The following COL5A3 variants were observed in gnomAD, a reference collection of about 807,000 sequenced individuals.
COL5A3 encodes collagen type V alpha 3 chain.
Under a neutral mutation model 250.0 loss-of-function variants are expected in COL5A3, and 172 were observed. That is an observed-to-expected ratio of 0.69 (90% CI 0.61 to 0.78). The LOEUF (loss-of-function observed/expected upper bound fraction) is 0.78, where lower values mean the gene tolerates loss of function less well. COL5A3 is among the 30% of genes least tolerant of loss of function. COL5A3 has a pLI of 0.00. For synonymous variants in COL5A3, 937 were observed against 900.4 expected, an observed-to-expected ratio of 1.04 and a Z score of -0.73; for missense variants, 2,340 against 2,334.4, an observed-to-expected ratio of 1.00 and a Z score of -0.05.
rs1464897420 is a variant in COL5A3, at chr19:10,009,308, T to C, written c.88+990A>G. 6.6e-6 allele frequency among the ~76,000 whole-genome samples: 1 copy of C among 151,688 alleles called. No homozygotes were observed. Among genetic ancestry groups the C allele is most frequent in the East Asian group, 1.9e-4 (1 of 5,156 alleles). On this transcript the variant is annotated intron_variant, in intron 1 of 66. Transcript: ENST00000264828. The surrounding 1 kb of genome is among the most constrained non-coding windows in gnomAD (Gnocchi z 4.4). ...CTCCAACACTTGAGAAGCTACGCCA[T>C]CCCCTGACTCCCGAAGCGCCCCCCA...
chr19:9,982,691 T>C (rs2145098332), intron 31 of COL5A3, among the ~76,000 whole-genome samples: 1 of 152,256 alleles, frequency 6.6e-6, no homozygotes, highest in South Asian at 2.1e-4. Context: ...CATCACAGGC[T>C]CTGATATCCT....
Position 9,969,356 on chromosome 19 carries a change from C to T in COL5A3, c.4145G>A (p.Gly1382Asp). Residue 1382 changes from glycine to aspartate, a missense_variant, in exon 57 of 67, where the codon GGC (glycine) becomes GAC (aspartate). Physicochemically the swap from Gly to Asp is moderately conservative, Grantham distance 94. Transcript: ENST00000264828. ...LGAPGQMGPP[G>D]PLGPSGLPGL... The stretch of plus-strand genomic sequence containing the variant: ...GATGAACAAGTCTCTTACCAGGGGG[C>T]CAGGAGGGCCCATCTGTCCAGGGGC... The T allele has an allele frequency of 1.3e-6, 2 of 1,599,406 alleles. No homozygotes were observed. The highest frequency in any genetic ancestry group is 8.5e-7 in the Non-Finnish European group (1 of 1,174,468).
intron 64 of COL5A3, among the ~76,000 whole-genome samples, chr19:9,963,476 C>T (rs1419136484): frequency 2.0e-5 from 3 of 149,256 alleles, no homozygotes; most frequent in African/African-American, 7.4e-5. Flanking sequence ...ACTGCAGCCT[C>T]GACTTCCAAA....
At chr19:9,993,463 T>A (rs2087224484) in intron 18 of COL5A3, 30 bp from the exon 19 acceptor site, 1 of 1,611,468 alleles carries the variant, frequency 6.2e-7, no homozygotes, top group African/African-American at 1.3e-5. Context: ...GAGTTCAGAG[T>A]GGAAGGGTGT....
Position 9,986,348 on chromosome 19 carries a change from G to GCCAGCCTGC in COL5A3, c.2310_2318dup (p.Gln771_Gly773dup). On this transcript the variant is annotated inframe_insertion, in exon 30 of 67. Coordinates refer to ENST00000264828, the MANE Select transcript of COL5A3 (RefSeq NM_015719.4). ...CAGCTGAGCCTGGGGGCCCCTCCTC[G>GCCAGCCTGC]CCAGCCTGCCCCGCCTGCCCCTTCG... 2 of 1,590,416 alleles carry GCCAGCCTGC rather than the reference G, an allele frequency of 1.3e-6. No individual in the cohort carries two copies. Among genetic ancestry groups the GCCAGCCTGC allele is most frequent in the Non-Finnish European group, 8.5e-7 (1 of 1,174,118 alleles).
chr19:9,963,568 G>T (rs1374347065), intron 64 of COL5A3, among the ~76,000 whole-genome samples: 1 of 116,458 alleles, frequency 8.6e-6, no homozygotes, highest in Non-Finnish European at 1.8e-5. Flanking sequence ...TTTTGGGGGG[G>T]GGGGCGGGTG....
chr19:10,000,452 CTTTTTTTTTTTTT>C (rs576119335), intron 8 of COL5A3, among the ~76,000 whole-genome samples: 2 of 62,762 alleles, frequency 3.2e-5, no homozygotes, highest in Non-Finnish European at 5.8e-5. Flanking sequence ...CCAGAGAGCT[CTTTTTTTTTTTTT>C]TTTTTTTTTT....
At position 9,973,007 on chromosome 19, in the gene COL5A3, C is replaced by T; in HGVS notation, c.3686G>A (p.Gly1229Asp). 1 of 1,609,314 alleles carries T rather than the reference C, an allele frequency of 6.2e-7. No individual in the cohort carries two copies. The highest frequency in any genetic ancestry group is 1.3e-5 in the African/African-American group (1 of 74,956). The change falls in exon 51 of 67, where the codon GGT becomes GAT. Residue 1229 changes from glycine to aspartate, a missense_variant. This residue lies in a region of COL5A3 where 1,179 missense variants were observed against 1,162.6 expected (regional missense o/e 1.01). Coordinates refer to ENST00000264828, the MANE Select transcript of COL5A3 (RefSeq NM_015719.4). ...PGIPGPKGDI[G>D]EKGDSGPSGA... The stretch of plus-strand genomic sequence containing the variant: ...AGATGGGCCTGAGTCCCCCTTTTCA[C>T]CAATGTCTCCCTTGGGCCCCTTTAC...
At chr19:9,997,538 C>G in intron 10 of COL5A3, 105 bp from the exon 11 acceptor site, 1 of 683,468 alleles carries the variant, frequency 1.5e-6, no homozygotes, top group Non-Finnish European at 2.5e-6. Context: ...CCCTACCCCA[C>G]TACAGAGCCA....
chr19:9,997,502 C>T (rs1166668052), intron 10 of COL5A3, 69 bp from the exon 11 acceptor site: 2 of 1,025,238 alleles, frequency 2.0e-6, no homozygotes, highest in South Asian at 1.5e-5. Context: ...TTCAACCTAC[C>T]ACTGACTCTA....
At chr19:9,963,304 C>T (rs566610442) in intron 64 of COL5A3, among the ~76,000 whole-genome samples, 1 of 151,968 alleles carries the variant, frequency 6.6e-6, no homozygotes, top group Admixed American at 6.6e-5. Context: ...TTCACTGCAG[C>T]CTCAAACTCC....
In COL5A3 at chr19:9,968,208, A is replaced by G; in HGVS notation, c.4315-129T>C. The G allele has an allele frequency of 9.5e-7, 1 of 1,054,174 alleles. No individual in the cohort carries two copies. The highest frequency in any genetic ancestry group is 1.4e-6 in the Non-Finnish European group (1 of 717,704). The allele number at this position is 1,054,174 out of a possible 1,614,324, so 65.3% of individuals were successfully genotyped here. ...AGACAAGCCTCCAGTTCCCCCACAG[A>G]GAGACCCCAAACCCCAGACGCAGCC... On this transcript the variant is annotated intron_variant, in intron 59 of 66. Transcript: ENST00000264828. This position sits in a 1 kb window ranked among gnomAD's most constrained non-coding sequence, Gnocchi z 4.1.
Position 9,989,255 on chromosome 19 carries a change from GC to G in COL5A3, c.2091+66del, listed in dbSNP as rs922689035. On this transcript the variant is annotated intron_variant, in intron 26 of 66. Transcript: ENST00000264828. ...AGAGCCCTCATCTCTCTCCTCTGTG[GC>G]CCCTGACTGCAGGCCCTGCCTCCCG... 29 of 1,609,348 alleles carry G rather than the reference GC, an allele frequency of 1.8e-5. No individual in the cohort carries two copies. The African/African-American group carries it at 1.9e-4, about 10-fold the overall frequency.
chr19:9,964,656 G>T (rs886235185), intron 64 of COL5A3, among the ~76,000 whole-genome samples: 2 of 151,578 alleles, frequency 1.3e-5, no homozygotes, highest in Non-Finnish European at 2.9e-5. Flanking sequence ...ACTTATACCG[G>T]CCAGGTTCTT....
In COL5A3 at chr19:9,963,038, G is replaced by C. The variant is rs2086693533; in HGVS notation, c.4783-151C>G. 14 of 621,762 alleles carry C rather than the reference G, an allele frequency of 2.3e-5. No individual in the cohort carries two copies. In the South Asian group the frequency reaches 2.7e-4, roughly 12 times the overall value. The allele number at this position is 621,762 out of a possible 1,614,324, so 38.5% of individuals were successfully genotyped here. On this transcript the variant is annotated intron_variant, in intron 64 of 66. Coordinates refer to ENST00000264828, the MANE Select transcript of COL5A3 (RefSeq NM_015719.4). Reference sequence around the variant, plus strand: ...GGACGAGCTCTGCCAGTGCACAATGGGGGAAGGAGGTTCATGCCCCTGAGG... The same window carrying C: ...GGACGAGCTCTGCCAGTGCACAATGCGGGAAGGAGGTTCATGCCCCTGAGG...
At chr19:9,980,117 T>A in intron 35 of COL5A3, 70 bp from the exon 36 acceptor site, 1 of 1,425,992 alleles carries the variant, frequency 7.0e-7, no homozygotes, top group Non-Finnish European at 9.5e-7. Context: ...CCCCACATAA[T>A]GACAACAGGA....
Position 9,968,431 on chromosome 19 carries a change from T to G in COL5A3, c.4268A>C (p.Gln1423Pro), listed in dbSNP as rs1404780116. ...PPGEAGEKGD[Q>P]GLPGVQGPPG... ...GGGTCCCTGCACGCCTGGCAACCCC[T>G]GATCTCCTTTCTCACCAGCTTCTCC... The change falls in exon 59 of 67, where the codon CAG becomes CCG. Residue 1423 changes from glutamine to proline, a missense_variant. By Grantham distance (76) the Gln-to-Pro change is moderately conservative. Transcript: ENST00000264828. This position sits in a 1 kb window ranked among gnomAD's most constrained non-coding sequence, Gnocchi z 4.1. 6.3e-7 allele frequency: 1 copy of G among 1,590,914 alleles called. No individual in the cohort carries two copies. Among genetic ancestry groups the G allele is most frequent in the Admixed American group, 2.0e-5 (1 of 51,264 alleles).
chr19:9,979,091 C>T (rs745795929), intron 39 of COL5A3, 41 bp downstream of exon 39: 4 of 1,506,724 alleles, frequency 2.7e-6, no homozygotes, highest in Non-Finnish European at 3.6e-6. Context: ...CTTGGTTGAT[C>T]TTGGATGTTC....
At position 9,960,839 on chromosome 19, in the gene COL5A3, A is replaced by G; in HGVS notation, c.4903T>C (p.Phe1635Leu). 6.2e-7 allele frequency: 1 copy of G among 1,612,338 alleles called. No individual in the cohort carries two copies. Among genetic ancestry groups the G allele is most frequent in the Non-Finnish European group, 8.5e-7 (1 of 1,180,018 alleles). Residue 1635 changes from phenylalanine (F) to leucine (L), a missense_variant, in exon 66 of 67, where the codon TTC becomes CTC. Coordinates refer to ENST00000264828, the MANE Select transcript of COL5A3 (RefSeq NM_015719.4). ...GCTGTGGCACTCAGCAGTTTCAGGA[A>G]GTTCAGCTGCACGACATTCACTGGG... is the stretch of plus-strand genomic sequence containing the variant. ...GSPVNVVQLN[F>L]LKLLSATARQ...
Sources: allele counts gnomAD v4.1 joint callset (sites outside exome capture counted in the v4.1 genomes callset), GRCh38; gene constraint gnomAD v4.1.1; regional missense constraint gnomAD v4.1.1; non-coding constraint Gnocchi (gnomAD v3.1); transcripts MANE v1.5; gene names NCBI Gene and HGNC (gene_info 2026-07-23, HGNC 2026-07-21).